The following CNOT4 variants were observed in gnomAD, a reference collection of about 807,000 sequenced individuals.
The protein encoded by CNOT4 is CCR4-NOT transcription complex subunit 4.
In CNOT4, 8 loss-of-function variants were observed where a neutral mutation model predicts 73.8. That is an observed-to-expected ratio of 0.11 (90% CI 0.06 to 0.20). CNOT4 has a LOEUF of 0.20. Ranked by LOEUF, CNOT4 falls within the 10% of genes least tolerant of loss-of-function variation. The probability of loss-of-function intolerance (pLI) is 1.00; values close to 1 mark genes in which losing one functional copy is unlikely to be tolerated. For missense variants in CNOT4, 564 were observed against 883.4 expected (o/e 0.64, Z 4.58); for synonymous variants, 293 against 321.1 (o/e 0.91, Z 0.94).
chr7:135,383,120 T>A (rs1795937151), intron 10 of CNOT4, among the ~76,000 whole-genome samples: 1 of 152,198 alleles, frequency 6.6e-6, no homozygotes, highest in African/African-American at 2.4e-5. Context: ...TCTCTACTGT[T>A]CACCAGTACC....
chr7:135,482,924 T>A (rs1802474917), intron 1 of CNOT4, among the ~76,000 whole-genome samples: 1 of 143,186 alleles, frequency 7.0e-6, no homozygotes, highest in Admixed American at 7.4e-5. Context: ...AAGTGGAGGT[T>A]GCAGTGAGCT....
chr7:135,407,108 A>C (rs1277794002), intron 7 of CNOT4, among the ~76,000 whole-genome samples: 1 of 151,944 alleles, frequency 6.6e-6, no homozygotes, highest in African/African-American at 2.4e-5. Flanking sequence ...AGTGTGTGGT[A>C]CCTTCCCCCT....
At chr7:135,413,338 C>A in intron 6 of CNOT4, 150 bp downstream of exon 6, 1 of 815,770 alleles carries the variant, frequency 1.2e-6, no homozygotes, top group Non-Finnish European at 1.9e-6. Flanking sequence ...AACTGACCTT[C>A]CATTAAACAC....
chr7:135,423,700 G>A (rs1340726357), intron 2 of CNOT4, among the ~76,000 whole-genome samples: 1 of 151,956 alleles, frequency 6.6e-6, no homozygotes, highest in Non-Finnish European at 1.5e-5. Flanking sequence ...AATTAGAGCT[G>A]GTGACCCAAA....
At chr7:135,440,463 C>T (rs1351900290) in intron 1 of CNOT4, among the ~76,000 whole-genome samples, 1 of 151,972 alleles carries the variant, frequency 6.6e-6, no homozygotes, top group South Asian at 2.1e-4. Context: ...CCTTAAGTTA[C>T]ACACTTATTA....
intron 7 of CNOT4, among the ~76,000 whole-genome samples, chr7:135,402,235 G>A (rs1027750134): frequency 1.3e-5 from 2 of 151,204 alleles, no homozygotes; most frequent in African/African-American, 4.9e-5. Context: ...TCAGCCTCCC[G>A]AATAGCTGAG....
intron 10 of CNOT4, among the ~76,000 whole-genome samples, chr7:135,377,520 C>T (rs1319260932): frequency 1.3e-5 from 2 of 152,104 alleles, no homozygotes; most frequent in Non-Finnish European, 2.9e-5. Context: ...TTTATTCCTC[C>T]TTACAGTATA....
intron 1 of CNOT4, chr7:135,509,500 G>A (rs1391706887): frequency 6.5e-6 from 1 of 152,778 alleles, no homozygotes; most frequent in Non-Finnish European, 1.5e-5. Context: ...GGGGGCCAGA[G>A]GGAAAGGACG....
intron 2 of CNOT4, among the ~76,000 whole-genome samples, chr7:135,429,599 A>G (rs1454588385): frequency 2.0e-5 from 3 of 152,170 alleles, no homozygotes; most frequent in African/African-American, 2.4e-5. Flanking sequence ...AATTTCTACC[A>G]TAACTTTGGT....
At chr7:135,499,347 T>A (rs185004992) in intron 1 of CNOT4, among the ~76,000 whole-genome samples, 1 of 152,220 alleles carries the variant, frequency 6.6e-6, no homozygotes, top group African/African-American at 2.4e-5. Context: ...ATCAATGCCA[T>A]AGGCAAAAAT....
At chr7:135,385,371 T>C (rs1266396847) in intron 10 of CNOT4, among the ~76,000 whole-genome samples, 1 of 152,210 alleles carries the variant, frequency 6.6e-6, no homozygotes, top group African/African-American at 2.4e-5. Context: ...CTGCAATTTG[T>C]TCCTTTCTCT....
chr7:135,502,642 C>T lies in CNOT4; in HGVS notation c.-93+7247G>A, dbSNP rs192981344. ...CCAGCCTGGCCAACATGGTGAAACC[C>T]TGTCTCTACTAAAAATACAAAAACT... On this transcript the variant is annotated intron_variant, in intron 1 of 11. Coordinates refer to ENST00000541284, the MANE Select transcript of CNOT4 (RefSeq NM_001190850.2). Among the ~76,000 whole-genome samples the T allele has an allele frequency of 2.0e-3, 300 of 151,504 alleles. 1 individual carries two copies. The highest frequency in any genetic ancestry group is 1.8e-3 in the Non-Finnish European group (122 of 67,842).
At chr7:135,396,210 G>C (rs1198284507) in intron 8 of CNOT4, among the ~76,000 whole-genome samples, 4 of 141,734 alleles carry the variant, frequency 2.8e-5, no homozygotes, top group African/African-American at 1.1e-4. Flanking sequence ...CTCGGCCTCC[G>C]GGGTTCAAGC....
intron 1 of CNOT4, among the ~76,000 whole-genome samples, chr7:135,444,144 A>AAAT (rs140965410): frequency 0.02 from 3,053 of 149,510 alleles, 46 homozygotes; most frequent in East Asian, 0.061. Context: ...CTGTTTCAAA[A>AAAT]AATAATAATA....
chr7:135,440,181 A>T (rs2129485407), intron 1 of CNOT4, among the ~76,000 whole-genome samples: 1 of 151,616 alleles, frequency 6.6e-6, no homozygotes, highest in East Asian at 1.9e-4. Flanking sequence ...TGTCCAGAAT[A>T]TATAAAGAAA....
chr7:135,465,578 G>C (rs976109199), intron 1 of CNOT4, among the ~76,000 whole-genome samples: 4 of 152,154 alleles, frequency 2.6e-5, no homozygotes, highest in African/African-American at 9.7e-5. Flanking sequence ...AGCAGCCTCA[G>C]GCGGGTCCTT....
chr7:135,369,312 T>C (rs1330479975), intron 10 of CNOT4, among the ~76,000 whole-genome samples: 1 of 152,200 alleles, frequency 6.6e-6, no homozygotes, highest in Non-Finnish European at 1.5e-5. Flanking sequence ...AATCAGGATA[T>C]TGTGCCGTCT....
At chr7:135,504,452 C>T (rs1357795354) in intron 1 of CNOT4, among the ~76,000 whole-genome samples, 2 of 138,896 alleles carry the variant, frequency 1.4e-5, no homozygotes, top group African/African-American at 5.5e-5. Context: ...CGTGCCACCA[C>T]ATCCGGCTAA....
chr7:135,498,516 A>G (rs1015229578), intron 1 of CNOT4, among the ~76,000 whole-genome samples: 1 of 152,162 alleles, frequency 6.6e-6, no homozygotes, highest in Non-Finnish European at 1.5e-5. Flanking sequence ...TCAGAATCAA[A>G]ATAGATTTGA....
Sources: gnomAD v4.1 joint callset for allele counts (sites outside exome capture counted in the v4.1 genomes callset) on GRCh38, gnomAD v4.1.1 for gene constraint, MANE v1.5 for transcripts, NCBI Gene and HGNC (gene_info 2026-07-23, HGNC 2026-07-21) for gene names.